LRP2: variants seen among roughly 807,000 people sequenced by gnomAD.
LRP2 encodes the protein low-density lipoprotein receptor-related protein 2.
A neutral mutation model predicts 531.0 loss-of-function variants in LRP2; 172 were observed. That is an observed-to-expected ratio of 0.32 (90% CI 0.29 to 0.37). The LOEUF (loss-of-function observed/expected upper bound fraction) is 0.37. LRP2 is among the 10% of genes least tolerant of loss of function. LRP2 has a pLI of 1.00. For synonymous variants in LRP2, 1,992 were observed against 2,027.6 expected (o/e 0.98, Z 0.47); for missense variants, 5,167 against 5,868.3 (o/e 0.88, Z 3.90).
At chr2:169,199,401 G>A (rs1015833487) in intron 44 of LRP2, among the ~76,000 whole-genome samples, 22 of 152,162 alleles carry the variant, frequency 1.4e-4, no homozygotes, top group African/African-American at 5.3e-4. Context: ...TGTAGCAAGA[G>A]AGAGATGCTT....
intron 48 of LRP2, among the ~76,000 whole-genome samples, chr2:169,191,215 A>C (rs1473350808): frequency 6.6e-6 from 1 of 152,206 alleles, no homozygotes; most frequent in East Asian, 1.9e-4. Flanking sequence ...CTGCATCCTT[A>C]GTTGGAGACA....
chr2:169,251,231 T>C (rs1437072940), intron 19 of LRP2, among the ~76,000 whole-genome samples: 8 of 24,312 alleles, frequency 3.3e-4, no homozygotes, highest in African/African-American at 2.1e-3. Context: ...ATTGACCACA[T>C]AGTTGGAAGT....
At position 169,147,887 on chromosome 2, in the gene LRP2, C is replaced by A. The variant is rs6757391; in HGVS notation, c.12591-928G>T. ...TAATCCGCTCCTCTGATTTCCAAAG[C>A]AAGAAATACAGGTTTTCTTTCTTTT... On this transcript the variant is annotated intron_variant, in intron 68 of 78. Coordinates refer to ENST00000649046, the MANE Select transcript of LRP2 (RefSeq NM_004525.3). Among the ~76,000 whole-genome samples, 1,371 of 152,094 alleles carry A rather than the reference C, an allele frequency of 9.0e-3. 20 individuals carry two copies. Among genetic ancestry groups the A allele is most frequent in the African/African-American group, 0.031 (1,275 of 41,482 alleles).
intron 42 of LRP2, 104 bp downstream of exon 42, chr2:169,203,878 A>G: frequency 1.6e-6 from 2 of 1,234,502 alleles, no homozygotes; most frequent in South Asian, 2.5e-5. Context: ...CCTGACATCA[A>G]GGAGAATTTG....
At chr2:169,350,042 A>G (rs1002910312) in intron 1 of LRP2, among the ~76,000 whole-genome samples, 1 of 152,234 alleles carries the variant, frequency 6.6e-6, no homozygotes, top group Non-Finnish European at 1.5e-5. Context: ...AGTCGGTTGA[A>G]TCAGGGTGGC....
In LRP2 at chr2:169,169,745, A is replaced by G. The variant is rs778215878; in HGVS notation, c.11454T>C (p.Asp3818=). The change falls in exon 60 of 79, where the codon GAT becomes GAC. Residue 3818 remains aspartate, a synonymous_variant. Coordinates refer to ENST00000649046, the MANE Select transcript of LRP2 (RefSeq NM_004525.3). ...ACGCATCCAAACAGTCAGCGGATCC[A>G]TCGCATTTCAGTTCACTGTGTACAC... ...GHCVHSELKC[D]GSADCLDASD... is the part of the protein sequence containing the mutation. The G allele has an allele frequency of 8.5e-5, 138 of 1,614,196 alleles. 3 individuals carry two copies. The South Asian group carries it at 1.5e-3, about 18-fold the overall frequency.
At chr2:169,285,517 A>T (rs182200680) in intron 9 of LRP2, among the ~76,000 whole-genome samples, 35 of 151,896 alleles carry the variant, frequency 2.3e-4, no homozygotes, top group African/African-American at 8.0e-4. Flanking sequence ...TCCCCCTCTC[A>T]CTCCAATACC....
At chr2:169,327,716 A>G (rs1685130515) in intron 1 of LRP2, among the ~76,000 whole-genome samples, 2 of 112,702 alleles carry the variant, frequency 1.8e-5, no homozygotes, top group African/African-American at 3.5e-5. Flanking sequence ...TGGGGGGATC[A>G]GCACCCCGCC....
intron 61 of LRP2, among the ~76,000 whole-genome samples, chr2:169,168,036 TATATATATATGC>T (rs1384278049): frequency 2.2e-5 from 3 of 134,536 alleles, no homozygotes; most frequent in Non-Finnish European, 3.2e-5. Flanking sequence ...TATATATATA[TATATATATATGC>T]ATCATTCAGC....
At chr2:169,230,725 C>T (rs1689366544) in intron 31 of LRP2, among the ~76,000 whole-genome samples, 1 of 152,202 alleles carries the variant, frequency 6.6e-6, no homozygotes, top group Admixed American at 6.5e-5. Context: ...TACAAGTACA[C>T]ACTCCAGAAG....
At chr2:169,360,128 CAAAAAAAAAAAA>C (rs67818940) in intron 1 of LRP2, among the ~76,000 whole-genome samples, 1 of 105,036 alleles carries the variant, frequency 9.5e-6, no homozygotes, top group Non-Finnish European at 1.8e-5. Context: ...CTGTCTCTCT[CAAAAAAAAAAAA>C]AAAAAAAAGA....
intron 50 of LRP2, among the ~76,000 whole-genome samples, chr2:169,184,622 TTAAAATA>T: frequency 6.6e-6 from 1 of 152,342 alleles, no homozygotes; most frequent in East Asian, 1.9e-4. Context: ...GGTAGTTTAG[TTAAAATA>T]TCACTGGCCT....
intron 67 of LRP2, 111 bp downstream of exon 67, chr2:169,152,688 G>T: frequency 3.2e-6 from 4 of 1,232,502 alleles, no homozygotes; most frequent in Non-Finnish European, 4.8e-6. Flanking sequence ...TGCACCCATG[G>T]CTGAGTGTAC....
chr2:169,193,264 A>C (rs1334203604), intron 47 of LRP2, among the ~76,000 whole-genome samples: 1 of 127,804 alleles, frequency 7.8e-6, no homozygotes, highest in East Asian at 2.0e-4. Flanking sequence ...TCGTCTCTAC[A>C]AAAAAAAAAG....
Position 169,157,368 on chromosome 2 carries a change from T to C in LRP2, c.12019+3A>G. The C allele has an allele frequency of 1.2e-6, 2 of 1,613,058 alleles. No homozygotes were observed. Among genetic ancestry groups the C allele is most frequent in the Non-Finnish European group, 1.7e-6 (2 of 1,179,354 alleles). ...AACAGGAATTGGAAAAAATATACTC[T>C]ACCTAGACAGGAGGTTCTGTCAAAA... On this transcript the variant is annotated splice_donor_region_variant and intron_variant, in intron 64 of 78. Coordinates refer to ENST00000649046, the MANE Select transcript of LRP2 (RefSeq NM_004525.3).
intron 54 of LRP2, 33 bp downstream of exon 54, chr2:169,176,378 G>A (rs1687194183): frequency 1.2e-6 from 2 of 1,613,182 alleles, no homozygotes; most frequent in African/African-American, 1.3e-5. Flanking sequence ...ACGGGCTAGA[G>A]AGGCACTGAG....
At chr2:169,258,160 G>A (rs1472543720) in intron 17 of LRP2, among the ~76,000 whole-genome samples, 15 of 152,038 alleles carry the variant, frequency 9.9e-5, no homozygotes, top group Non-Finnish European at 1.5e-4. Flanking sequence ...TACTCTAGAT[G>A]CAGCAAACAG....
chr2:169,275,368 A>G (rs1219901126), intron 13 of LRP2, 130 bp from the exon 14 acceptor site: 1 of 738,698 alleles, frequency 1.4e-6, no homozygotes, highest in Non-Finnish European at 2.3e-6. Flanking sequence ...AATAGATAGA[A>G]AAGATACATT....
chr2:169,169,902 T>C, intron 59 of LRP2, 84 bp from the exon 60 acceptor site: 1 of 918,256 alleles, frequency 1.1e-6, no homozygotes, highest in Non-Finnish European at 1.8e-6. Context: ...GGTTACTCCA[T>C]CACATTCCTA....
Sources: allele counts gnomAD v4.1 joint callset (sites outside exome capture counted in the v4.1 genomes callset), GRCh38; gene constraint gnomAD v4.1.1; transcripts MANE v1.5; gene names NCBI Gene and HGNC (gene_info 2026-07-23, HGNC 2026-07-21).